Variants in CBFA2T2 observed in about 807,000 individuals in gnomAD.
The protein encoded by CBFA2T2 is CBFA2/RUNX1 partner transcriptional co-repressor 2.
A neutral mutation model predicts 62.2 loss-of-function variants in CBFA2T2; 11 were observed. The ratio of observed to expected loss-of-function variants is 0.18; its 90% CI spans 0.11 to 0.29. The LOEUF is 0.29. CBFA2T2 is among the 10% of genes least tolerant of loss of function. The pLI is 1.00. For synonymous variants in CBFA2T2, 295 were observed against 287.5 expected (o/e 1.03, Z -0.27); for missense variants, 592 against 774.1 (o/e 0.76, Z 2.79).
rs145047322 is a variant in CBFA2T2, at chr20:33,500,631, C to A, written c.34+10330C>A. 2.5e-3 allele frequency among the ~76,000 whole-genome samples: 386 copies of A among 152,094 alleles called. 6 individuals carry two copies. The highest frequency in any genetic ancestry group is 9.0e-3 in the African/African-American group (373 of 41,480). ...GGCTGAGGTGGGAGAATCACTTGAA[C>A]CTGGGAGGCAGAGGTTGTAGTGAGC... On this transcript the variant is annotated intron_variant, in intron 1 of 10. Transcript: ENST00000342704.
At chr20:33,502,895 C>T (rs1468613839) in intron 1 of CBFA2T2, among the ~76,000 whole-genome samples, 1 of 149,998 alleles carries the variant, frequency 6.7e-6, no homozygotes, top group Admixed American at 6.6e-5. Flanking sequence ...TCGAGACCAT[C>T]CTGGCTAACA....
rs192240628 is a variant in CBFA2T2, at chr20:33,576,785, G to A, written c.35-30171G>A. Among the ~76,000 whole-genome samples the A allele has an allele frequency of 5.2e-3, 794 of 152,376 alleles. 2 individuals carry two copies. Among genetic ancestry groups the A allele is most frequent in the Admixed American group, 7.0e-3 (107 of 15,310 alleles). ...TGTACATTTTTGCTACAGCACATCCGTATTTCTGCTCACACTTGTGAAGAA... is the reference window on the plus strand; with the variant it reads ...TGTACATTTTTGCTACAGCACATCCATATTTCTGCTCACACTTGTGAAGAA... On this transcript the variant is annotated intron_variant, in intron 1 of 10. Transcript: ENST00000342704.
At chr20:33,538,440 C>T (rs917129539) in intron 1 of CBFA2T2, among the ~76,000 whole-genome samples, 1 of 151,928 alleles carries the variant, frequency 6.6e-6, no homozygotes, top group African/African-American at 2.4e-5. Context: ...GGCCCAATCT[C>T]GGCTCACTGC....
chr20:33,533,110 T>G (rs530215794), intron 1 of CBFA2T2, among the ~76,000 whole-genome samples: 1 of 152,050 alleles, frequency 6.6e-6, no homozygotes, highest in South Asian at 2.1e-4. Flanking sequence ...TTTGTTTTAT[T>G]CTTTCACTAA....
At chr20:33,547,213 T>G (rs998559728) in intron 1 of CBFA2T2, among the ~76,000 whole-genome samples, 5 of 150,778 alleles carry the variant, frequency 3.3e-5, no homozygotes, top group African/African-American at 1.2e-4. Context: ...AAGAAAAAAA[T>G]AAAAAAGACC....
At chr20:33,536,815 C>A (rs1379686140) in intron 1 of CBFA2T2, among the ~76,000 whole-genome samples, 4 of 149,726 alleles carry the variant, frequency 2.7e-5, no homozygotes, top group Non-Finnish European at 6.0e-5. Flanking sequence ...GGGATGGCGG[C>A]CGGGAAGAGG....
intron 1 of CBFA2T2, among the ~76,000 whole-genome samples, chr20:33,514,212 T>G (rs1209275111): frequency 1.7e-5 from 2 of 120,988 alleles, no homozygotes; most frequent in Non-Finnish European, 3.5e-5. Context: ...CTTTGTTTTT[T>G]TTTTTTTTTT....
At chr20:33,500,143 A>G (rs936341182) in intron 1 of CBFA2T2, among the ~76,000 whole-genome samples, 2 of 151,860 alleles carry the variant, frequency 1.3e-5, no homozygotes, top group African/African-American at 4.8e-5. Flanking sequence ...TTTTTAGTAA[A>G]GACGGGGTTT....
intron 1 of CBFA2T2, among the ~76,000 whole-genome samples, chr20:33,514,404 G>A (rs928868275): frequency 9.9e-5 from 15 of 151,498 alleles, no homozygotes; most frequent in African/African-American, 3.4e-4. Flanking sequence ...TAGTAGAGAC[G>A]GGGTTTCACC....
chr20:33,548,687 C>T (rs2146883192), intron 1 of CBFA2T2, among the ~76,000 whole-genome samples: 1 of 152,168 alleles, frequency 6.6e-6, no homozygotes, highest in South Asian at 2.1e-4. Context: ...GGGCTGGGTA[C>T]AGTGGCTCAC....
At chr20:33,491,902 C>T (rs1432438042) in intron 1 of CBFA2T2, among the ~76,000 whole-genome samples, 2 of 151,350 alleles carry the variant, frequency 1.3e-5, no homozygotes, top group African/African-American at 2.4e-5. Flanking sequence ...TTTTTTGAGA[C>T]GGAGTTTTGT....
chr20:33,567,537 T>G (rs2013377747), intron 1 of CBFA2T2, among the ~76,000 whole-genome samples: 1 of 152,198 alleles, frequency 6.6e-6, no homozygotes, highest in Non-Finnish European at 1.5e-5. Flanking sequence ...TAATGTTTTA[T>G]TCTTGTTAAT....
At chr20:33,571,003 C>A (rs2013541996) in intron 1 of CBFA2T2, among the ~76,000 whole-genome samples, 1 of 152,194 alleles carries the variant, frequency 6.6e-6, no homozygotes, top group Admixed American at 6.5e-5. Flanking sequence ...AGTCCTGGCT[C>A]TGTTCTTCAT....
intron 1 of CBFA2T2, among the ~76,000 whole-genome samples, chr20:33,553,276 G>A (rs1270781073): frequency 1.3e-5 from 2 of 152,338 alleles, no homozygotes; most frequent in East Asian, 3.9e-4. Flanking sequence ...CCAGGCGGGA[G>A]TGCAATGGTG....
At chr20:33,493,106 A>G (rs2011161675) in intron 1 of CBFA2T2, among the ~76,000 whole-genome samples, 1 of 102,552 alleles carries the variant, frequency 9.8e-6, no homozygotes, top group Non-Finnish European at 1.8e-5. Flanking sequence ...ACGGAGTTTC[A>G]CTCTTGTTGC....
intron 1 of CBFA2T2, among the ~76,000 whole-genome samples, chr20:33,582,542 C>T (rs1278351509): frequency 2.6e-5 from 4 of 151,888 alleles, no homozygotes; most frequent in African/African-American, 4.8e-5. Context: ...CAGCACAGGC[C>T]GGGCGCGGTG....
At chr20:33,537,762 T>C (rs1261642616) in intron 1 of CBFA2T2, among the ~76,000 whole-genome samples, 2 of 152,214 alleles carry the variant, frequency 1.3e-5, no homozygotes, top group South Asian at 4.1e-4. Flanking sequence ...ATCATTCCTC[T>C]ACCGGATTGT....
intron 8 of CBFA2T2, among the ~76,000 whole-genome samples, chr20:33,631,824 G>C (rs909501102): frequency 2.6e-5 from 4 of 152,118 alleles, no homozygotes; most frequent in African/African-American, 9.7e-5. Flanking sequence ...GATTTAGATA[G>C]TATATTTTAG....
chr20:33,608,690 A>G (rs1184399413), intron 2 of CBFA2T2, among the ~76,000 whole-genome samples: 4 of 152,256 alleles, frequency 2.6e-5, no homozygotes, highest in South Asian at 2.1e-4. Context: ...GTATATGTAT[A>G]TACAAATTCA....
Sources: gnomAD v4.1 joint callset for allele counts (sites outside exome capture counted in the v4.1 genomes callset) on GRCh38, gnomAD v4.1.1 for gene constraint, MANE v1.5 for transcripts, NCBI Gene and HGNC (gene_info 2026-07-23, HGNC 2026-07-21) for gene names.